MSI2: variants seen among roughly 807,000 people sequenced by gnomAD.
MSI2 encodes musashi RNA binding protein 2, also known as RNA-binding protein Musashi homolog 2.
MSI2 carries 17 observed loss-of-function variants against 45.6 expected under a neutral mutation model. The observed-to-expected ratio is 0.37, with a 90% confidence interval of 0.26 to 0.56. MSI2 has a LOEUF of 0.56. Ranked by LOEUF, MSI2 falls within the 20% of genes least tolerant of loss-of-function variation. The pLI is 0.77. For synonymous variants in MSI2, 156 were observed against 158.2 expected, an observed-to-expected ratio of 0.99 and a Z score of 0.11; for missense variants, 293 against 444.2, an observed-to-expected ratio of 0.66 and a Z score of 3.06.
chr17:57,585,178 T>G (rs1035056419), intron 7 of MSI2, among the ~76,000 whole-genome samples: 2 of 152,184 alleles, frequency 1.3e-5, no homozygotes, highest in African/African-American at 4.8e-5. Context: ...ATGACTTGTT[T>G]TACCTCTCCC....
chr17:57,682,317 T>TGGGGC lies in MSI2; in HGVS notation c.*2800_*2801insGGGGC. On this transcript the variant is annotated 3_prime_UTR_variant, in exon 14 of 14. Transcript: ENST00000284073. Reference sequence around the variant, plus strand: ...GGCGGACTCTACGGCGTTTTGTAGATCCCCCCCCCCCCACCCACTGTGAAG... The same window carrying TGGGGC: ...GGCGGACTCTACGGCGTTTTGTAGATGGGGCCCCCCCCCCCCCACCCACTGTGAAG... 1 of 119,270 alleles carries TGGGGC rather than the reference T, an allele frequency of 8.4e-6. No homozygotes were observed. Among genetic ancestry groups the TGGGGC allele is most frequent in the Non-Finnish European group, 1.7e-5 (1 of 60,474 alleles). 7.4% of individuals were successfully genotyped at this position (119,270 alleles called of 1,614,324 possible). A position where few individuals can be genotyped will look rare whatever the true frequency, so the allele number is the denominator to read the frequency against.
At chr17:57,271,468 G>C (rs1436922629) in intron 5 of MSI2, among the ~76,000 whole-genome samples, 1 of 152,154 alleles carries the variant, frequency 6.6e-6, no homozygotes, top group African/African-American at 2.4e-5. Context: ...TTTCAATTAT[G>C]TGACAATTTC....
intron 5 of MSI2, among the ~76,000 whole-genome samples, chr17:57,300,936 T>A (rs1305054727): frequency 6.6e-6 from 1 of 152,100 alleles, no homozygotes; most frequent in Non-Finnish European, 1.5e-5. Flanking sequence ...AAGATGAGAT[T>A]TGGGTGAGGA....
Position 57,681,970 on chromosome 17 carries a change from T to C in MSI2, c.*2453T>C. On this transcript the variant is annotated 3_prime_UTR_variant, in exon 14 of 14. Coordinates refer to ENST00000284073, the MANE Select transcript of MSI2 (RefSeq NM_138962.4). ...CCATCACCTCATAGAAGACTCTTTG[T>C]TGATCATTGTATGTTAATAATGTAT... 1 of 212,454 alleles carries C rather than the reference T, an allele frequency of 4.7e-6. No individual in the cohort carries two copies. The highest frequency in any genetic ancestry group is 9.5e-6 in the Non-Finnish European group (1 of 104,920). 13.2% of individuals were successfully genotyped at this position (212,454 alleles called of 1,614,324 possible).
intron 8 of MSI2, among the ~76,000 whole-genome samples, chr17:57,607,150 C>T (rs1906690727): frequency 6.6e-6 from 1 of 152,162 alleles, no homozygotes; most frequent in African/African-American, 2.4e-5. Context: ...TGCTTTATAT[C>T]CATTATGTGT....
chr17:57,353,478 A>G (rs1916190578), intron 5 of MSI2, among the ~76,000 whole-genome samples: 1 of 152,232 alleles, frequency 6.6e-6, no homozygotes, highest in African/African-American at 2.4e-5. Flanking sequence ...TCAGTTAGGA[A>G]CAGATAGTGG....
At chr17:57,372,501 A>T (rs1467180784) in intron 5 of MSI2, among the ~76,000 whole-genome samples, 1 of 152,184 alleles carries the variant, frequency 6.6e-6, no homozygotes, top group Non-Finnish European at 1.5e-5. Flanking sequence ...GAAACCTGAG[A>T]TCTCACCACA....
At chr17:57,430,725 CT>C (rs1235123957) in intron 6 of MSI2, among the ~76,000 whole-genome samples, 3 of 152,196 alleles carry the variant, frequency 2.0e-5, no homozygotes, top group African/African-American at 7.2e-5. Context: ...GGCCCATGTG[CT>C]GGTGGCCCTG....
intron 6 of MSI2, among the ~76,000 whole-genome samples, chr17:57,424,800 G>A (rs1030962605): frequency 2.6e-5 from 4 of 152,126 alleles, no homozygotes; most frequent in African/African-American, 9.7e-5. Context: ...GCAGGGGTCT[G>A]ATGACTCCAG....
intron 1 of MSI2, 36 bp from the exon 2 acceptor site, chr17:57,257,062 A>G (rs1906821185): frequency 6.7e-7 from 1 of 1,484,402 alleles, no homozygotes; most frequent in Non-Finnish European, 9.1e-7. Flanking sequence ...CCGATCTGAC[A>G]TCGGTGCTCA....
chr17:57,464,912 G>A (rs929599008), intron 6 of MSI2, among the ~76,000 whole-genome samples: 4 of 152,216 alleles, frequency 2.6e-5, no homozygotes, highest in African/African-American at 9.6e-5. Flanking sequence ...CACCTGGCAT[G>A]AGATACTGTC....
chr17:57,678,519 AAAC>A (rs2144761376), intron 13 of MSI2, among the ~76,000 whole-genome samples: 1 of 152,340 alleles, frequency 6.6e-6, no homozygotes, highest in African/African-American at 2.4e-5. Context: ...AGAGGGGGTT[AAAC>A]AACTACCAGG....
chr17:57,563,023 A>G (rs1028210769), intron 7 of MSI2, among the ~76,000 whole-genome samples: 1 of 141,774 alleles, frequency 7.1e-6, no homozygotes, highest in Admixed American at 7.7e-5. Flanking sequence ...GCTTGAATCC[A>G]GGAGGTGGAG....
At chr17:57,505,861 G>C (rs188344770) in intron 6 of MSI2, among the ~76,000 whole-genome samples, 4 of 152,178 alleles carry the variant, frequency 2.6e-5, no homozygotes, top group Non-Finnish European at 4.4e-5. Flanking sequence ...TTCTTTCTCT[G>C]GAACCAAAGA....
At chr17:57,286,980 G>C (rs773187078) in intron 5 of MSI2, among the ~76,000 whole-genome samples, 1 of 151,990 alleles carries the variant, frequency 6.6e-6, no homozygotes, top group African/African-American at 2.4e-5. Context: ...CCTAGGGAGA[G>C]GCTGGCCTGG....
chr17:57,606,303 T>G (rs1348984785), intron 8 of MSI2: 1 of 152,222 alleles, frequency 6.6e-6, no homozygotes, highest in Non-Finnish European at 1.5e-5. Flanking sequence ...CTTTATCCAG[T>G]GCAAGCACTT....
chr17:57,562,275 G>T (rs2087596021), intron 7 of MSI2, among the ~76,000 whole-genome samples: 1 of 152,192 alleles, frequency 6.6e-6, no homozygotes, highest in African/African-American at 2.4e-5. Context: ...TTCAGAAATG[G>T]ATCCTGGCCA....
intron 10 of MSI2, among the ~76,000 whole-genome samples, chr17:57,647,956 G>A (rs1439306932): frequency 6.9e-6 from 1 of 145,920 alleles, no homozygotes; most frequent in Non-Finnish European, 1.5e-5. Flanking sequence ...AGTGTTTGTT[G>A]GTTTGTTTGT....
chr17:57,674,222 A>G (rs1913045694), intron 11 of MSI2, among the ~76,000 whole-genome samples: 1 of 117,432 alleles, frequency 8.5e-6, no homozygotes, highest in African/African-American at 3.3e-5. Flanking sequence ...GATGACTTTC[A>G]TTCAGTGTTA....
Sources: allele counts gnomAD v4.1 joint callset (sites outside exome capture counted in the v4.1 genomes callset), GRCh38; gene constraint gnomAD v4.1.1; transcripts MANE v1.5; gene names NCBI Gene and HGNC (gene_info 2026-07-23, HGNC 2026-07-21).